Variants in ATP10B observed in about 807,000 individuals in gnomAD.
ATP10B encodes phospholipid-transporting ATPase VB.
A neutral mutation model predicts 141.2 loss-of-function variants in ATP10B; 122 were observed. That is an observed-to-expected ratio of 0.86 (90% CI 0.75 to 1.00). The LOEUF (loss-of-function observed/expected upper bound fraction) is 1.00, where lower values mean the gene tolerates loss of function less well. Among genes scored for constraint, ATP10B ranks in the 50% least tolerant of loss-of-function variants. ATP10B has a pLI of 0.00. For synonymous variants in ATP10B, 685 were observed against 692.0 expected (o/e 0.99, Z 0.16); for missense variants, 1,876 against 1,825.3 (o/e 1.03, Z -0.51).
At chr5:160,789,678 G>A (rs868614285) in intron 1 of ATP10B, among the ~76,000 whole-genome samples, 53 of 152,142 alleles carry the variant, frequency 3.5e-4, no homozygotes, top group African/African-American at 1.1e-3. Context: ...AATGCCAAGC[G>A]TAATTATTGG....
At chr5:160,863,758 A>G in the ATP10B span, among the ~76,000 whole-genome samples, 2 of 152,024 alleles carry the variant, frequency 1.3e-5, no homozygotes, top group Non-Finnish European at 2.9e-5. Flanking sequence ...AAATGAAACT[A>G]GAGACATTAC....
At chr5:160,598,047 C>T in intron 22 of ATP10B, among the ~76,000 whole-genome samples, 1 of 100,680 alleles carries the variant, frequency 9.9e-6, no homozygotes, top group African/African-American at 3.2e-5. Context: ...GGTATATACC[C>T]AAAAGACTAT....
chr5:160,766,124 C>T (rs998245461), intron 2 of ATP10B, among the ~76,000 whole-genome samples: 4 of 149,900 alleles, frequency 2.7e-5, no homozygotes, highest in Non-Finnish European at 5.9e-5. Context: ...ACTAGTATAA[C>T]CGCTGTGGAA....
chr5:160,719,562 A>G (rs1052820212), intron 2 of ATP10B, among the ~76,000 whole-genome samples: 1 of 152,248 alleles, frequency 6.6e-6, no homozygotes, highest in Non-Finnish European at 1.5e-5. Context: ...GAAATGAGTT[A>G]TTAAATAAAA....
intron 2 of ATP10B, among the ~76,000 whole-genome samples, chr5:160,753,759 T>C (rs1768325050): frequency 6.6e-6 from 1 of 152,160 alleles, no homozygotes; most frequent in Non-Finnish European, 1.5e-5. Flanking sequence ...GTTGTAAATG[T>C]TTTACATGCA....
At chr5:160,884,284 G>C in the ATP10B span, among the ~76,000 whole-genome samples, 5 of 152,132 alleles carry the variant, frequency 3.3e-5, no homozygotes, top group African/African-American at 1.2e-4. Flanking sequence ...AAGAGTCAAA[G>C]AGTTTTCACA....
intron 1 of ATP10B, among the ~76,000 whole-genome samples, chr5:160,830,843 C>T (rs776975335): frequency 6.6e-6 from 1 of 151,972 alleles, no homozygotes; most frequent in Non-Finnish European, 1.5e-5. Context: ...CCTTCAACCT[C>T]GGACTCTTAT....
At chr5:160,584,707 G>C (rs1424598268) in intron 24 of ATP10B, among the ~76,000 whole-genome samples, 1 of 152,114 alleles carries the variant, frequency 6.6e-6, no homozygotes, top group Non-Finnish European at 1.5e-5. Flanking sequence ...TCTTTATGTT[G>C]TGTCTTATAG....
At chr5:160,750,008 C>A (rs554402486) in intron 2 of ATP10B, among the ~76,000 whole-genome samples, 2 of 152,146 alleles carry the variant, frequency 1.3e-5, no homozygotes, top group Non-Finnish European at 2.9e-5. Context: ...CCTTCTTTTA[C>A]GGGTATGGCT....
the ATP10B span, among the ~76,000 whole-genome samples, chr5:160,920,002 C>T: frequency 6.6e-6 from 1 of 152,162 alleles, no homozygotes; most frequent in African/African-American, 2.4e-5. Context: ...AGGTAGAACT[C>T]GAGTTCCTGA....
intron 2 of ATP10B, among the ~76,000 whole-genome samples, chr5:160,740,250 C>T (rs938258396): frequency 6.6e-6 from 1 of 152,154 alleles, no homozygotes; most frequent in South Asian, 2.1e-4. Context: ...AAAGGATTTT[C>T]AAAATTAATT....
intron 18 of ATP10B, among the ~76,000 whole-genome samples, chr5:160,610,341 T>C (rs1007075905): frequency 6.6e-5 from 10 of 152,210 alleles, no homozygotes; most frequent in African/African-American, 1.9e-4. Context: ...AACAGTCATG[T>C]AGGTGAATTT....
At chr5:160,754,146 T>C (rs746411777) in intron 2 of ATP10B, among the ~76,000 whole-genome samples, 50 of 152,186 alleles carry the variant, frequency 3.3e-4, no homozygotes, top group Non-Finnish European at 1.0e-4. Flanking sequence ...AGGTATAATA[T>C]AAATTATACC....
At chr5:160,597,861 T>G (rs1469347806) in intron 22 of ATP10B, among the ~76,000 whole-genome samples, 1 of 151,922 alleles carries the variant, frequency 6.6e-6, no homozygotes, top group Non-Finnish European at 1.5e-5. Flanking sequence ...CTCACACCAG[T>G]TAGAATGGCA....
chr5:160,867,084 T>G, the ATP10B span, among the ~76,000 whole-genome samples: 1 of 152,124 alleles, frequency 6.6e-6, no homozygotes, highest in Non-Finnish European at 1.5e-5. Context: ...TTACCTAACT[T>G]TTTTGAGCCT....
intron 2 of ATP10B, among the ~76,000 whole-genome samples, chr5:160,760,848 A>T (rs1186955763): frequency 1.3e-5 from 2 of 152,048 alleles, no homozygotes; most frequent in Non-Finnish European, 2.9e-5. Context: ...CTTATCCCCC[A>T]CAGTGGCCGC....
At chr5:160,632,595 A>T (rs1309032654) in intron 12 of ATP10B, 6 of 394,108 alleles carry the variant, frequency 1.5e-5, no homozygotes, top group South Asian at 1.9e-4. Context: ...GCTTTGACAT[A>T]ACCTGTCACT....
At chr5:160,587,326 T>G (rs954913672) in intron 24 of ATP10B, among the ~76,000 whole-genome samples, 3 of 152,184 alleles carry the variant, frequency 2.0e-5, no homozygotes, top group African/African-American at 7.2e-5. Context: ...TCTGTGTTGG[T>G]TATTGTAGCC....
chr5:160,668,213 G>A (rs1164901292), intron 7 of ATP10B, among the ~76,000 whole-genome samples: 1 of 117,200 alleles, frequency 8.5e-6, no homozygotes, highest in Non-Finnish European at 1.7e-5. Context: ...TTGGGTAACA[G>A]AGCGAGACTG....
Sources: allele counts gnomAD v4.1 joint callset (sites outside exome capture counted in the v4.1 genomes callset), GRCh38; gene constraint gnomAD v4.1.1; transcripts MANE v1.5; gene names NCBI Gene and HGNC (gene_info 2026-07-23, HGNC 2026-07-21).